SCN9A: variants seen among roughly 807,000 people sequenced by gnomAD.
SCN9A encodes the protein sodium voltage-gated channel alpha subunit 9.
SCN9A carries 131 observed loss-of-function variants against 187.0 expected under a neutral mutation model. That is an observed-to-expected ratio of 0.70 (90% CI 0.61 to 0.81). The LOEUF (loss-of-function observed/expected upper bound fraction) is 0.81. SCN9A is among the 30% of genes least tolerant of loss of function. SCN9A has a pLI of 0.00. For synonymous variants in SCN9A, 809 were observed against 808.6 expected (o/e 1.00, Z -0.01); for missense variants, 2,252 against 2,396.6 (o/e 0.94, Z 1.26).
At chr2:166,335,971 T>C (rs977273589) in intron 1 of SCN9A, among the ~76,000 whole-genome samples, 1 of 152,108 alleles carries the variant, frequency 6.6e-6, no homozygotes, top group African/African-American at 2.4e-5. Context: ...TTAGGTATTA[T>C]AAGTAATCTA....
intron 24 of SCN9A, among the ~76,000 whole-genome samples, chr2:166,220,283 G>T (rs1422060996): frequency 6.6e-6 from 1 of 152,160 alleles, no homozygotes; most frequent in African/African-American, 2.4e-5. Flanking sequence ...ATAACTTGAA[G>T]GTTTGTCCCC....
In SCN9A at chr2:166,311,330, C is replaced by CTATATATATATATATA. The variant is rs10688081; in HGVS notation, c.258+153_258+168dup. On this transcript the variant is annotated intron_variant, in intron 2 of 26. Coordinates refer to ENST00000642356, the MANE Select transcript of SCN9A (RefSeq NM_001365536.1). ...TGAAAAAGTACAGATTCTGAATATCCTATATATATATATATATATATATAT... is the reference window on the plus strand; with the variant it reads ...TGAAAAAGTACAGATTCTGAATATCCTATATATATATATATATATATATATATATATATATATATAT... 6.9e-4 allele frequency among the ~76,000 whole-genome samples: 32 copies of CTATATATATATATATA among 46,708 alleles called. 2 individuals are homozygous for CTATATATATATATATA. The highest frequency in any genetic ancestry group is 5.0e-3 in the East Asian group (4 of 806). 30.6% of individuals were successfully genotyped at this position (46,708 alleles called of 152,430 possible). A position where few individuals can be genotyped will look rare whatever the true frequency, so the allele number is the denominator to read the frequency against.
chr2:166,260,599 T>C (rs983082992), intron 17 of SCN9A, among the ~76,000 whole-genome samples: 2 of 151,868 alleles, frequency 1.3e-5, no homozygotes, highest in Non-Finnish European at 2.9e-5. Flanking sequence ...TTGTTGTCAA[T>C]GATCAATCAC....
At chr2:166,318,430 A>C (rs1172086895) in intron 1 of SCN9A, among the ~76,000 whole-genome samples, 2 of 152,182 alleles carry the variant, frequency 1.3e-5, no homozygotes, top group African/African-American at 4.8e-5. Context: ...ATTGGTAATG[A>C]AGATCTACCA....
intron 1 of SCN9A, among the ~76,000 whole-genome samples, chr2:166,326,901 A>G (rs1001069733): frequency 5.9e-5 from 9 of 152,186 alleles, no homozygotes; most frequent in African/African-American, 2.2e-4. Flanking sequence ...GCTTGAGAAC[A>G]TTCAGATAAC....
chr2:166,304,398 A>C, intron 5 of SCN9A, 69 bp from the exon 6 acceptor site: 2 of 1,377,098 alleles, frequency 1.5e-6, no homozygotes, highest in South Asian at 1.2e-5. Flanking sequence ...GCCTTTAGTC[A>C]AGGTATTTTC....
chr2:166,244,802 C>A (rs535640443), intron 18 of SCN9A, among the ~76,000 whole-genome samples: 11 of 152,056 alleles, frequency 7.2e-5, no homozygotes, highest in African/African-American at 2.6e-4. Flanking sequence ...AATTTCACAT[C>A]AGTAGTTTGA....
chr2:166,201,667 C>CAT (rs1290113997), intron 26 of SCN9A, among the ~76,000 whole-genome samples: 1 of 146,370 alleles, frequency 6.8e-6, no homozygotes, highest in African/African-American at 2.5e-5. Context: ...ATATAGTATA[C>CAT]ATATATACAT....
At chr2:166,222,942 C>CAAAAAAAAAA (rs1558960810) in intron 24 of SCN9A, among the ~76,000 whole-genome samples, 3 of 55,292 alleles carry the variant, frequency 5.4e-5, no homozygotes, top group Admixed American at 1.6e-4. Flanking sequence ...AAAAAAAAAA[C>CAAAAAAAAAA]AACAAAAAAA....
intron 24 of SCN9A, among the ~76,000 whole-genome samples, chr2:166,221,001 G>A (rs953259032): frequency 7.9e-5 from 12 of 152,094 alleles, no homozygotes; most frequent in South Asian, 4.2e-4. Flanking sequence ...AATCACCTGC[G>A]TTTCTATACA....
intron 7 of SCN9A, chr2:166,302,667 A>C (rs1010763741): frequency 3.3e-5 from 5 of 150,000 alleles, no homozygotes; most frequent in African/African-American, 1.2e-4. Context: ...TTATGAGTAC[A>C]ATCTATTAAG....
In SCN9A at chr2:166,277,034, T is replaced by A. The variant is rs2106468715; in HGVS notation, c.2823A>T (p.Gln941His). ...TMWDCMEVAG[Q>H]AMCLIVYMMV... ...TCATGTAAACAATAAGGCACATAGC[T>A]TGACCAGCGACCTCCATACAGTCCC... is the stretch of plus-strand genomic sequence containing the variant. The change falls in exon 16 of 27, where the codon CAA becomes CAT. Residue 941 changes from glutamine (Q) to histidine (H), a missense_variant. This residue lies in a region of SCN9A where 119 missense variants were observed against 188.7 expected (regional missense o/e 0.63). Coordinates refer to ENST00000642356, the MANE Select transcript of SCN9A (RefSeq NM_001365536.1). The A allele has an allele frequency of 1.2e-6, 2 of 1,614,060 alleles. No homozygotes were observed. The highest frequency in any genetic ancestry group is 2.2e-5 in the South Asian group (2 of 91,080).
intron 16 of SCN9A, among the ~76,000 whole-genome samples, chr2:166,273,394 T>C (rs963720569): frequency 3.3e-5 from 5 of 152,120 alleles, no homozygotes; most frequent in Admixed American, 3.3e-4. Flanking sequence ...ACTTACAAAG[T>C]TCCTGTAATA....
chr2:166,301,297 C>T (rs1408300567), intron 7 of SCN9A: 2 of 150,816 alleles, frequency 1.3e-5, no homozygotes, highest in African/African-American at 5.0e-5. Flanking sequence ...GTAGCTGTCT[C>T]AGCCAATCAC....
intron 17 of SCN9A, among the ~76,000 whole-genome samples, 186 bp from the exon 18 acceptor site, chr2:166,252,071 C>T (rs1439565851): frequency 6.6e-6 from 1 of 151,416 alleles, no homozygotes; most frequent in Admixed American, 6.6e-5. Flanking sequence ...TATACTTGAT[C>T]TTTCTATCTA....
intron 1 of SCN9A, among the ~76,000 whole-genome samples, chr2:166,315,779 A>G (rs574315059): frequency 5.9e-5 from 9 of 152,316 alleles, no homozygotes; most frequent in African/African-American, 1.7e-4. Flanking sequence ...CACTTCACCA[A>G]CACACACAAA....
At position 166,230,599 on chromosome 2, in the gene SCN9A, T is replaced by C. The variant is rs375069586; in HGVS notation, c.3925-1627A>G. The stretch of plus-strand genomic sequence containing the variant: ...TCTGCCTATGATTTGGGGCTTACTC[T>C]TCAGTCATGAAATGTCTGAAATGTC... On this transcript the variant is annotated intron_variant, in intron 21 of 26. Coordinates refer to ENST00000642356, the MANE Select transcript of SCN9A (RefSeq NM_001365536.1). 4.6e-5 allele frequency among the ~76,000 whole-genome samples: 7 copies of C among 152,282 alleles called. No individual in the cohort carries two copies. The East Asian group carries it at 5.8e-4, about 13-fold the overall frequency.
intron 17 of SCN9A, among the ~76,000 whole-genome samples, chr2:166,253,215 T>C (rs1696122588): frequency 6.6e-6 from 1 of 151,804 alleles, no homozygotes; most frequent in Non-Finnish European, 1.5e-5. Context: ...GATAAAGTAT[T>C]GTACATAAGG....
At chr2:166,275,289 A>C (rs1035372236) in intron 16 of SCN9A, among the ~76,000 whole-genome samples, 2 of 152,094 alleles carry the variant, frequency 1.3e-5, no homozygotes, top group African/African-American at 4.8e-5. Flanking sequence ...AAAATTTTGT[A>C]AGAAGAAATG....
Sources: gnomAD v4.1 joint callset for allele counts (sites outside exome capture counted in the v4.1 genomes callset) on GRCh38, gnomAD v4.1.1 for gene constraint, gnomAD v4.1.1 regional missense constraint, MANE v1.5 for transcripts, NCBI Gene and HGNC (gene_info 2026-07-23, HGNC 2026-07-21) for gene names.